TTC28: variants seen among roughly 807,000 people sequenced by gnomAD.
The protein encoded by TTC28 is tetratricopeptide repeat protein 28.
Under a neutral mutation model 198.0 loss-of-function variants are expected in TTC28, and 61 were observed. The observed-to-expected ratio is 0.31, with a 90% confidence interval of 0.25 to 0.38. The LOEUF (loss-of-function observed/expected upper bound fraction) is 0.38. Among genes scored for constraint, TTC28 ranks in the 10% least tolerant of loss-of-function variants. The probability of loss-of-function intolerance (pLI) is 1.00; values close to 1 mark genes in which losing one functional copy is unlikely to be tolerated. For missense variants in TTC28, 2,678 were observed against 3,164.0 expected (o/e 0.85, Z 3.69); for synonymous variants, 1,171 against 1,297.8 (o/e 0.90, Z 2.10).
chr22:28,679,394 T>C (rs1323914305), intron 1 of TTC28, among the ~76,000 whole-genome samples: 3 of 151,916 alleles, frequency 2.0e-5, no homozygotes, highest in East Asian at 2.0e-4. Context: ...CCAACACCCA[T>C]ACACACCCTC....
intron 5 of TTC28, among the ~76,000 whole-genome samples, chr22:28,178,176 C>T (rs1478993428): frequency 2.6e-5 from 4 of 151,782 alleles, no homozygotes; most frequent in East Asian, 1.9e-4. Flanking sequence ...TATATCGGGC[C>T]GGGCACGGTG....
At chr22:28,171,209 G>C (rs1922641392) in intron 5 of TTC28, among the ~76,000 whole-genome samples, 1 of 152,056 alleles carries the variant, frequency 6.6e-6, no homozygotes, top group South Asian at 2.1e-4. Context: ...GTTATGCTGG[G>C]ATTTTTCTGC....
chr22:28,337,051 A>G (rs1246027608), intron 2 of TTC28, among the ~76,000 whole-genome samples: 6 of 151,952 alleles, frequency 3.9e-5, no homozygotes, highest in East Asian at 1.9e-4. Flanking sequence ...CTTTGTTCTC[A>G]TTGGTTTCAA....
At position 28,552,423 on chromosome 22, in the gene TTC28, G is replaced by C. The variant is rs9625501; in HGVS notation, c.381+77129C>G. On this transcript the variant is annotated intron_variant, in intron 2 of 22. Transcript: ENST00000397906. ...ACCAAAAAAGAGCCCGCATAGCCAC[G>C]TAAGACTAAGCAAAAAGAACAAATC... Among the ~76,000 whole-genome samples the C allele has an allele frequency of 2.8e-4, 42 of 152,102 alleles. No homozygotes were observed. The East Asian group carries it at 7.7e-3, about 28-fold the overall frequency.
At chr22:28,042,590 G>A (rs1939692730) in intron 12 of TTC28, among the ~76,000 whole-genome samples, 2 of 152,038 alleles carry the variant, frequency 1.3e-5, no homozygotes, top group Non-Finnish European at 2.9e-5. Flanking sequence ...AGGGGGTGGG[G>A]GACTGGAGGA....
chr22:28,321,638 G>A (rs1327460729), intron 2 of TTC28, among the ~76,000 whole-genome samples: 2 of 152,152 alleles, frequency 1.3e-5, no homozygotes, highest in East Asian at 3.8e-4. Flanking sequence ...GAGGGTTAGT[G>A]ATAAACTATG....
In TTC28 at chr22:28,571,984, C is replaced by A. The variant is rs572824706; in HGVS notation, c.381+57568G>T. 2.7e-5 allele frequency among the ~76,000 whole-genome samples: 4 copies of A among 148,506 alleles called. No individual in the cohort carries two copies. In the South Asian group the frequency reaches 8.5e-4, roughly 32 times the overall value. On this transcript the variant is annotated intron_variant, in intron 2 of 22. Transcript: ENST00000397906. ...AAAAAAAAAACAAACAAAAAAAAAA[C>A]CGATAATGTATACTCTGCCACCCAG...
At chr22:28,206,366 G>T (rs1034647297) in intron 5 of TTC28, among the ~76,000 whole-genome samples, 2 of 152,108 alleles carry the variant, frequency 1.3e-5, no homozygotes, top group African/African-American at 4.8e-5. Context: ...CCGATCTTCT[G>T]TTTAATTCTG....
At chr22:28,274,788 T>G (rs1301249036) in intron 5 of TTC28, among the ~76,000 whole-genome samples, 1 of 152,026 alleles carries the variant, frequency 6.6e-6, no homozygotes, top group Non-Finnish European at 1.5e-5. Flanking sequence ...GAAACCAGCC[T>G]GGCCAACATG....
intron 12 of TTC28, among the ~76,000 whole-genome samples, chr22:28,046,352 C>T (rs1311230867): frequency 6.6e-6 from 1 of 152,182 alleles, no homozygotes; most frequent in African/African-American, 2.4e-5. Context: ...CTACTACACA[C>T]CTAAGCTACC....
intron 2 of TTC28, among the ~76,000 whole-genome samples, chr22:28,487,683 A>G (rs1486333103): frequency 1.3e-5 from 2 of 152,144 alleles, no homozygotes; most frequent in Non-Finnish European, 2.9e-5. Flanking sequence ...TTTTTCATCC[A>G]TTGTAAGCAT....
At chr22:28,554,145 T>C (rs566680609) in intron 2 of TTC28, among the ~76,000 whole-genome samples, 14 of 152,182 alleles carry the variant, frequency 9.2e-5, no homozygotes, top group South Asian at 4.1e-4. Flanking sequence ...CGGGGCAAGA[T>C]GTGCTTTGTT....
chr22:28,136,707 A>C (rs1449530600), intron 6 of TTC28, among the ~76,000 whole-genome samples: 1 of 152,192 alleles, frequency 6.6e-6, no homozygotes, highest in Non-Finnish European at 1.5e-5. Flanking sequence ...AGAGTGCTCC[A>C]GTCTCAAAGG....
At chr22:28,149,524 A>G (rs1943555011) in intron 6 of TTC28, among the ~76,000 whole-genome samples, 1 of 152,264 alleles carries the variant, frequency 6.6e-6, no homozygotes, top group Non-Finnish European at 1.5e-5. Flanking sequence ...ACTATGTGAT[A>G]TATGTGAAAT....
At chr22:28,324,788 G>A (rs2045501331) in intron 2 of TTC28, among the ~76,000 whole-genome samples, 1 of 152,148 alleles carries the variant, frequency 6.6e-6, no homozygotes, top group South Asian at 2.1e-4. Context: ...ATATCATACT[G>A]AATGGGCAAA....
At chr22:28,423,367 G>C (rs1282739339) in intron 2 of TTC28, among the ~76,000 whole-genome samples, 1 of 152,008 alleles carries the variant, frequency 6.6e-6, no homozygotes, top group African/African-American at 2.4e-5. Context: ...TCCAGCCTGG[G>C]CGACAGAGCG....
At chr22:28,257,563 T>C (rs1931016631) in intron 5 of TTC28, among the ~76,000 whole-genome samples, 1 of 150,726 alleles carries the variant, frequency 6.6e-6, no homozygotes, top group Non-Finnish European at 1.5e-5. Context: ...GCAAATCCCA[T>C]GAAAATAGAG....
At chr22:28,577,654 G>GTA (rs2050172003) in intron 2 of TTC28, among the ~76,000 whole-genome samples, 2 of 152,012 alleles carry the variant, frequency 1.3e-5, no homozygotes, top group South Asian at 2.1e-4. Context: ...CCAGTGTTGG[G>GTA]TATATATATA....
At chr22:28,032,267 A>ATATATATATATAGTGT (rs1226631612) in intron 12 of TTC28, among the ~76,000 whole-genome samples, 10 of 78,694 alleles carry the variant, frequency 1.3e-4, no homozygotes, top group East Asian at 6.5e-4. Context: ...ATATATATAT[A>ATATATATATATAGTGT]GTGTGTGTGT....
Sources: allele counts gnomAD v4.1 joint callset (sites outside exome capture counted in the v4.1 genomes callset), GRCh38; gene constraint gnomAD v4.1.1; transcripts MANE v1.5; gene names NCBI Gene and HGNC (gene_info 2026-07-23, HGNC 2026-07-21).